NTRK2: variants seen among roughly 807,000 people sequenced by gnomAD.
NTRK2 encodes the protein neurotrophic receptor tyrosine kinase 2.
A neutral mutation model predicts 94.5 loss-of-function variants in NTRK2; 13 were observed. That is an observed-to-expected ratio of 0.14 (90% confidence interval 0.09 to 0.22). NTRK2 has a LOEUF of 0.22. NTRK2 is among the 10% of genes least tolerant of loss of function. NTRK2 has a pLI of 1.00. For synonymous variants in NTRK2, 372 were observed against 407.4 expected (o/e 0.91, Z 1.05); for missense variants, 639 against 1,071.2 (o/e 0.60, Z 5.63).
At chr9:84,878,618 A>C (rs1295991125) in intron 14 of NTRK2, among the ~76,000 whole-genome samples, 1 of 149,226 alleles carries the variant, frequency 6.7e-6, no homozygotes, top group Non-Finnish European at 1.5e-5. Flanking sequence ...TGGCGACAGA[A>C]AGAGACTATG....
intron 14 of NTRK2, among the ~76,000 whole-genome samples, chr9:84,913,487 G>C (rs1002129982): frequency 6.6e-6 from 1 of 152,132 alleles, no homozygotes; most frequent in African/African-American, 2.4e-5. Flanking sequence ...AAAGGAAAAT[G>C]TGTTGCATGC....
intron 14 of NTRK2, among the ~76,000 whole-genome samples, chr9:84,916,185 A>G (rs2077388398): frequency 6.6e-6 from 1 of 151,942 alleles, no homozygotes; most frequent in Admixed American, 6.6e-5. Context: ...GAAGAGTCAT[A>G]GCTACAGTTA....
At chr9:84,917,722 A>G (rs191824364) in intron 14 of NTRK2, among the ~76,000 whole-genome samples, 25 of 152,328 alleles carry the variant, frequency 1.6e-4, no homozygotes, top group Non-Finnish European at 3.2e-4. Context: ...ATTATCACAT[A>G]TAATGACAAT....
At chr9:84,876,095 C>G (rs1198884699) in intron 14 of NTRK2, 1 of 1,034,382 alleles carries the variant, frequency 9.7e-7, no homozygotes, top group Non-Finnish European at 1.2e-6. Context: ...TTAATTAACA[C>G]ATTTTTTAAC....
At chr9:84,969,498 G>A (rs141332064) in intron 17 of NTRK2, among the ~76,000 whole-genome samples, 2 of 152,288 alleles carry the variant, frequency 1.3e-5, no homozygotes, top group African/African-American at 2.4e-5. Context: ...AAAATATACA[G>A]CATTACAAAA....
intron 11 of NTRK2, among the ~76,000 whole-genome samples, chr9:84,750,883 G>C (rs975473259): frequency 6.6e-6 from 1 of 152,218 alleles, no homozygotes; most frequent in Non-Finnish European, 1.5e-5. Flanking sequence ...TTGGTCAGCA[G>C]CAATGGTAGC....
At chr9:85,001,271 A>G (rs1830312139) in intron 17 of NTRK2, among the ~76,000 whole-genome samples, 1 of 152,096 alleles carries the variant, frequency 6.6e-6, no homozygotes, top group Non-Finnish European at 1.5e-5. Context: ...TGTTGTCACT[A>G]TTTCTCCATG....
chr9:84,733,960 C>T (rs1302939166), intron 9 of NTRK2, among the ~76,000 whole-genome samples: 2 of 152,184 alleles, frequency 1.3e-5, no homozygotes, highest in African/African-American at 4.8e-5. Context: ...GCATAGTTAG[C>T]CTCCACTTTC....
At chr9:84,815,990 T>TAAAAAAAAAAA (rs34917078) in intron 12 of NTRK2, among the ~76,000 whole-genome samples, 1 of 139,138 alleles carries the variant, frequency 7.2e-6, no homozygotes. Context: ...AGGCAATCCT[T>TAAAAAAAAAAA]AAAAAAAAAA....
At chr9:84,953,242 C>G (rs1823695741) in intron 16 of NTRK2, among the ~76,000 whole-genome samples, 1 of 152,234 alleles carries the variant, frequency 6.6e-6, no homozygotes, top group African/African-American at 2.4e-5. Context: ...AAGTAATGCA[C>G]AGAGGATAAC....
At chr9:84,898,315 T>C (rs934098451) in intron 14 of NTRK2, among the ~76,000 whole-genome samples, 2 of 152,200 alleles carry the variant, frequency 1.3e-5, no homozygotes, top group African/African-American at 2.4e-5. Flanking sequence ...CAAGTGATAC[T>C]GTGATATCCT....
At chr9:84,811,214 A>G in intron 12 of NTRK2, 1 of 1,063,590 alleles carries the variant, frequency 9.4e-7, no homozygotes, top group Non-Finnish European at 1.1e-6. Flanking sequence ...AAAAGTCCAA[A>G]TGTTTAGCTT....
At chr9:84,848,660 C>G (rs751948912) in intron 12 of NTRK2, among the ~76,000 whole-genome samples, 18 of 152,140 alleles carry the variant, frequency 1.2e-4, no homozygotes, top group Non-Finnish European at 2.4e-4. Context: ...GAATCAGACC[C>G]TCTGACGTTT....
intron 14 of NTRK2, among the ~76,000 whole-genome samples, chr9:84,891,313 T>TTTTTTTTTTTTTTTTTTTGA (rs1305909168): frequency 6.6e-6 from 1 of 151,266 alleles, no homozygotes; most frequent in African/African-American, 2.4e-5. Flanking sequence ...TGCATTCTTT[T>TTTTTTTTTTTTTTTTTTTGA]GGTTAAAATA....
intron 17 of NTRK2, among the ~76,000 whole-genome samples, chr9:84,986,631 C>G (rs1306240422): frequency 2.0e-5 from 3 of 150,202 alleles, no homozygotes; most frequent in African/African-American, 7.3e-5. Flanking sequence ...ACTTTTTTTG[C>G]CACCTTACAA....
intron 14 of NTRK2, among the ~76,000 whole-genome samples, chr9:84,908,740 A>G (rs2077151254): frequency 6.6e-6 from 1 of 152,178 alleles, no homozygotes; most frequent in African/African-American, 2.4e-5. Flanking sequence ...CCAAATCCAT[A>G]ATTGTTAATA....
intron 17 of NTRK2, among the ~76,000 whole-genome samples, chr9:84,997,258 C>T (rs1829863717): frequency 6.6e-6 from 1 of 152,106 alleles, no homozygotes; most frequent in Admixed American, 6.5e-5. Flanking sequence ...TGGCCCGGGG[C>T]AAAGCTGGTC....
chr9:84,931,991 G>A (rs2078053401), intron 14 of NTRK2, among the ~76,000 whole-genome samples: 1 of 152,066 alleles, frequency 6.6e-6, no homozygotes, highest in Non-Finnish European at 1.5e-5. Flanking sequence ...CATCAATATT[G>A]TTGCTCATAA....
intron 5 of NTRK2, among the ~76,000 whole-genome samples, chr9:84,708,329 T>C (rs1304366048): frequency 6.6e-6 from 1 of 152,168 alleles, no homozygotes; most frequent in Non-Finnish European, 1.5e-5. Context: ...TGGGCAAAAC[T>C]CTGCTCACTT....
Sources: gnomAD v4.1 joint callset for allele counts (sites outside exome capture counted in the v4.1 genomes callset) on GRCh38, gnomAD v4.1.1 for gene constraint, MANE v1.5 for transcripts, NCBI Gene and HGNC (gene_info 2026-07-23, HGNC 2026-07-21) for gene names.